The following CCDC187 variants were observed in gnomAD, a reference collection of about 807,000 sequenced individuals.
CCDC187 encodes the protein coiled-coil domain-containing protein 187.
CCDC187 carries 32 observed loss-of-function variants against 38.0 expected under a neutral mutation model. That is an observed-to-expected ratio of 0.84 (90% CI 0.64 to 1.13). The LOEUF (loss-of-function observed/expected upper bound fraction) is 1.13, where lower values mean the gene tolerates loss of function less well. Ranked by LOEUF, CCDC187 falls within the 50% of genes most tolerant of loss-of-function variation. The pLI is 0.00. For synonymous variants in CCDC187, 333 were observed against 347.9 expected (o/e 0.96, Z 0.48); for missense variants, 707 against 786.8 (o/e 0.90, Z 1.21).
chr9:136,277,050 T>C (rs1302302715), intron 10 of CCDC187, among the ~76,000 whole-genome samples: 3 of 152,050 alleles, frequency 2.0e-5, no homozygotes, highest in African/African-American at 7.2e-5. Flanking sequence ...AACTCCAGGA[T>C]GGATGGCAGG....
intron 4 of CCDC187, among the ~76,000 whole-genome samples, chr9:136,294,694 A>C (rs1831491303): frequency 6.6e-6 from 1 of 152,168 alleles, no homozygotes; most frequent in African/African-American, 2.4e-5. Flanking sequence ...CCTCTCCAGG[A>C]AGGTGAATGG....
intron 10 of CCDC187, among the ~76,000 whole-genome samples, chr9:136,278,312 G>T (rs1288219773): frequency 3.9e-5 from 6 of 152,210 alleles, no homozygotes; most frequent in Non-Finnish European, 8.8e-5. Context: ...CTGAGGAGGG[G>T]GAGTCCTGGT....
upstream of CCDC187, among the ~76,000 whole-genome samples, chr9:136,304,546 C>T (rs1451498547): frequency 1.3e-5 from 2 of 152,216 alleles, no homozygotes; most frequent in African/African-American, 2.4e-5. Context: ...TGCCCCAGGT[C>T]AGGAGCCCCC....
Position 136,254,413 on chromosome 9 carries a change from G to A in CCDC187, c.5415C>T (p.Ser1805=), listed in dbSNP as rs1196050071. Residue 1805 remains serine (S), a synonymous_variant, in exon 26 of 26, where the codon TCC becomes TCT. Transcript: ENST00000638797. ...SGVEPQVAPP[S]PRSGEGREAS... ...CTTCCCGCCCCTCCCCGGACCGTGG[G>A]GAGGGAGGAGCCACCTGGGGCTCCA... The A allele has an allele frequency of 3.0e-6, 3 of 984,938 alleles. No homozygotes were observed. The highest frequency in any genetic ancestry group is 2.3e-4 in the East Asian group (2 of 8,810). 61.0% of individuals were successfully genotyped at this position (984,938 alleles called of 1,614,324 possible).
At chr9:136,287,961 G>T (rs1831220896) in intron 7 of CCDC187, among the ~76,000 whole-genome samples, 4 of 152,192 alleles carry the variant, frequency 2.6e-5, no homozygotes, top group African/African-American at 7.2e-5. Context: ...CTCCCAAAGT[G>T]CTGGGATTAC....
At chr9:136,292,986 C>T (rs904295781) in intron 4 of CCDC187, among the ~76,000 whole-genome samples, 5 of 152,238 alleles carry the variant, frequency 3.3e-5, no homozygotes, top group South Asian at 2.1e-4. Context: ...GCCCAGCTCA[C>T]GGCCACCGAT....
intron 12 of CCDC187, 69 bp downstream of exon 12, chr9:136,276,124 CA>C (rs1469693459): frequency 6.6e-6 from 1 of 152,252 alleles, no homozygotes; most frequent in South Asian, 2.1e-4. Flanking sequence ...CATTCCTTCC[CA>C]GTGTGACTGA....
chr9:136,293,370 C>T (rs1588671286), intron 4 of CCDC187, among the ~76,000 whole-genome samples: 5 of 143,100 alleles, frequency 3.5e-5, no homozygotes, highest in African/African-American at 1.3e-4. Flanking sequence ...TTCACATGCT[C>T]ACACACTCAC....
chr9:136,283,919 T>C (rs1831108114), intron 9 of CCDC187, among the ~76,000 whole-genome samples: 1 of 152,134 alleles, frequency 6.6e-6, no homozygotes, highest in South Asian at 2.1e-4. Context: ...CTGGTCACAA[T>C]GGCTCAGTTC....
intron 4 of CCDC187, among the ~76,000 whole-genome samples, chr9:136,293,268 C>T (rs1831396067): frequency 3.3e-5 from 5 of 150,622 alleles, no homozygotes; most frequent in Non-Finnish European, 5.9e-5. Context: ...CTCACTCATG[C>T]TTTCACACTA....
rs1156424910 is a variant in CCDC187 at position 136,290,978 on chromosome 9, C to G, written c.1635G>C (p.Trp545Cys). The change falls in exon 6 of 26, where the codon TGG (tryptophan) becomes TGC (cysteine). Residue 545 changes from tryptophan (W) to cysteine (C), a missense_variant. Physicochemically the swap from Trp to Cys is radical, Grantham distance 215 (BLOSUM62 -2). Transcript: ENST00000638797. ...GGTCCTCCCAGGTTTCACAGGCAGT[C>G]CAGGCCCTCCGTGGACAGGGCTGTG... ...VATQPCPRRA[W>C]TACETWEDPG... is the part of the protein sequence containing the mutation. The G allele has an allele frequency of 7.5e-6, 3 of 398,608 alleles. No individual in the cohort carries two copies. Among genetic ancestry groups the G allele is most frequent in the Non-Finnish European group, 1.3e-5 (3 of 226,176 alleles). The allele number at this position is 398,608 out of a possible 1,614,324, so 24.7% of individuals were successfully genotyped here. A position where few individuals can be genotyped will look rare whatever the true frequency, so the allele number is the denominator to read the frequency against.
chr9:136,292,904 C>A (rs1374562281), intron 4 of CCDC187, among the ~76,000 whole-genome samples: 1 of 152,236 alleles, frequency 6.6e-6, no homozygotes, highest in Admixed American at 6.5e-5. Context: ...CCCCACGTCC[C>A]GAGTACAAAC....
At chr9:136,289,518 C>CAAAA (rs878962393) in intron 7 of CCDC187, among the ~76,000 whole-genome samples, 58 of 67,206 alleles carry the variant, frequency 8.6e-4, no homozygotes, top group Non-Finnish European at 1.1e-3. Flanking sequence ...AACTCCATCT[C>CAAAA]AAAAAAAAAA....
Position 136,251,408 on chromosome 9 carries a change from G to A in CCDC187, c.*2186C>T, listed in dbSNP as rs933574813. ...AGAAATGACCTTGGGCCCTTGAGCC[G>A]TGGCTTCCTCTGGTCTGTGCAGCTC... On this transcript the variant is annotated 3_prime_UTR_variant, in exon 26 of 26. Transcript: ENST00000638797. 3 of 245,300 alleles carry A rather than the reference G, an allele frequency of 1.2e-5. No individual in the cohort carries two copies. Among genetic ancestry groups the A allele is most frequent in the African/African-American group, 4.4e-5 (2 of 45,120 alleles). The allele number at this position is 245,300 out of a possible 1,614,324, so 15.2% of individuals were successfully genotyped here. A position where few individuals can be genotyped will look rare whatever the true frequency, so the allele number is the denominator to read the frequency against.
chr9:136,264,090 T>A lies in CCDC187; in HGVS notation c.3736-292A>T, dbSNP rs1554761329. The A allele has an allele frequency of 6.6e-6, 1 of 152,424 alleles. No individual in the cohort carries two copies. The highest frequency in any genetic ancestry group is 6.5e-5 in the Admixed American group (1 of 15,292). The allele number at this position is 152,424 out of a possible 1,614,324, so 9.4% of individuals were successfully genotyped here. Reference sequence around the variant, plus strand: ...CAGGCTGGCTGGGCCTCGCCCTCCCTCTCTGCAGGCTCCAGGCACTGCCCC... The same window carrying A: ...CAGGCTGGCTGGGCCTCGCCCTCCCACTCTGCAGGCTCCAGGCACTGCCCC... On this transcript the variant is annotated intron_variant, in intron 17 of 25. Transcript: ENST00000638797. The surrounding 1 kb of genome is among the most constrained non-coding windows in gnomAD (Gnocchi z 4.3).
chr9:136,251,363 C>A lies in CCDC187; in HGVS notation c.*2231G>T. The stretch of plus-strand genomic sequence containing the variant: ...GCCACTGATCCCCAGAGGAAAAGCC[C>A]CCGGCCGTGCGGGCTGCGCAGAAAT... On this transcript the variant is annotated 3_prime_UTR_variant, in exon 26 of 26. Transcript: ENST00000638797. 3.6e-6 allele frequency: 1 copy of A among 275,374 alleles called. No homozygotes were observed. Among genetic ancestry groups the A allele is most frequent in the Non-Finnish European group, 7.2e-6 (1 of 138,108 alleles). The allele number at this position is 275,374 out of a possible 1,614,324, so 17.1% of individuals were successfully genotyped here. A position where few individuals can be genotyped will look rare whatever the true frequency, so the allele number is the denominator to read the frequency against.
chr9:136,286,824 G>C, intron 7 of CCDC187, 129 bp from the exon 8 acceptor site: 1 of 397,614 alleles, frequency 2.5e-6, no homozygotes, highest in East Asian at 3.6e-5. Context: ...CTGTCCGCAG[G>C]GACCAGGGAA....
chr9:136,299,520 C>CGAGAG lies in CCDC187; in HGVS notation c.724+695_724+699dup, dbSNP rs1168260955. 3.3e-5 allele frequency among the ~76,000 whole-genome samples: 5 copies of CGAGAG among 152,322 alleles called. No individual in the cohort carries two copies. In the East Asian group the frequency reaches 9.7e-4, roughly 29 times the overall value. On this transcript the variant is annotated intron_variant, in intron 3 of 25. Transcript: ENST00000638797. Reference sequence around the variant, plus strand: ...GCCGGCGTCTGCCTGTCTCTGGACTCGAGAGAGCCTCCTGCATCCATTTTG... The same window carrying CGAGAG: ...GCCGGCGTCTGCCTGTCTCTGGACTCGAGAGGAGAGAGCCTCCTGCATCCATTTTG...
Position 136,258,294 on chromosome 9 carries a change from C to T in CCDC187, c.4366+638G>A, listed in dbSNP as rs1465545687. On this transcript the variant is annotated intron_variant, in intron 22 of 25. Coordinates refer to ENST00000638797, the MANE Select transcript of CCDC187 (RefSeq NM_001378188.1). This position sits in a 1 kb window ranked among gnomAD's most constrained non-coding sequence, Gnocchi z 4.3. ...TGAGGTTTGCTCTCCCTGGCCCCAA[C>T]GGCAGGGACCCCCCAGTCTATGCCA... Among the ~76,000 whole-genome samples, 1 of 152,140 alleles carries T rather than the reference C, an allele frequency of 6.6e-6. No homozygotes were observed. The highest frequency in any genetic ancestry group is 1.9e-4 in the East Asian group (1 of 5,184).
Sources: allele counts gnomAD v4.1 joint callset (sites outside exome capture counted in the v4.1 genomes callset), GRCh38; gene constraint gnomAD v4.1.1; non-coding constraint Gnocchi (gnomAD v3.1); transcripts MANE v1.5; gene names NCBI Gene and HGNC (gene_info 2026-07-23, HGNC 2026-07-21).